SPINT2: variants seen among roughly 807,000 people sequenced by gnomAD.
The protein encoded by SPINT2 is serine peptidase inhibitor, Kunitz type 2.
Under a neutral mutation model 30.1 loss-of-function variants are expected in SPINT2, and 18 were observed. The ratio of observed to expected loss-of-function variants is 0.60; its 90% CI spans 0.41 to 0.89. SPINT2 has a LOEUF of 0.89. Ranked by LOEUF, SPINT2 falls within the 40% of genes least tolerant of loss-of-function variation. The pLI, the probability that SPINT2 is intolerant of heterozygous loss-of-function variation, is 0.00. For synonymous variants in SPINT2, 139 were observed against 137.9 expected (o/e 1.01, Z -0.05); for missense variants, 276 against 334.3 (o/e 0.83, Z 1.36).
At chr19:38,270,850 G>T (rs1047749122) in intron 1 of SPINT2, among the ~76,000 whole-genome samples, 3 of 152,206 alleles carry the variant, frequency 2.0e-5, no homozygotes, top group African/African-American at 7.2e-5. Context: ...ATAAGCCTGT[G>T]GCTCATGTGA....
intron 1 of SPINT2, among the ~76,000 whole-genome samples, chr19:38,269,021 C>T (rs971069067): frequency 5.9e-5 from 9 of 152,064 alleles, no homozygotes; most frequent in Non-Finnish European, 1.3e-4. Context: ...TAACTTTGTG[C>T]CTGGCCCTGG....
At chr19:38,273,709 G>T (rs1234247513) in intron 1 of SPINT2, among the ~76,000 whole-genome samples, 1 of 152,150 alleles carries the variant, frequency 6.6e-6, no homozygotes, top group Non-Finnish European at 1.5e-5. Context: ...CCCGTGTGGT[G>T]GTTTGCCATT....
At chr19:38,266,675 CAAAAA>C (rs5828007) in intron 1 of SPINT2, among the ~76,000 whole-genome samples, 139 of 139,586 alleles carry the variant, frequency 1.0e-3, no homozygotes, top group Admixed American at 2.2e-3. Flanking sequence ...GACTCAGTCT[CAAAAA>C]AAAAAAAAAG....
At chr19:38,272,897 T>C (rs925834320) in intron 1 of SPINT2, among the ~76,000 whole-genome samples, 5 of 152,242 alleles carry the variant, frequency 3.3e-5, no homozygotes, top group East Asian at 3.9e-4. Flanking sequence ...TTTTTTTGTA[T>C]TTTTAGTAGA....
intron 2 of SPINT2, 137 bp downstream of exon 2, chr19:38,283,934 C>T (rs1329865680): frequency 2.5e-5 from 26 of 1,023,142 alleles, no homozygotes; most frequent in Non-Finnish European, 3.5e-5. Flanking sequence ...CTCCGCCTCC[C>T]GGGTTCACGC....
In SPINT2 at chr19:38,290,120, A is replaced by G. The variant is rs759003195; in HGVS notation, c.393A>G (p.Glu131=). The change falls in exon 5 of 7, where the codon GAA becomes GAG. Residue 131 remains glutamate, a splice_region_variant and synonymous_variant. Transcript: ENST00000301244. This position sits in a 1 kb window ranked among gnomAD's most constrained non-coding sequence, Gnocchi z 4.3. ...TTCCCTGGGCTGTCTTACTCCTAGA[A>G]TACTGCACCGCCAACGCAGTCACTG... ...DHSSDMFNYE[E]YCTANAVTGP... is the part of the protein sequence containing the mutation. 1.4e-5 allele frequency: 22 copies of G among 1,612,302 alleles called. No individual in the cohort carries two copies. The Admixed American group carries it at 1.8e-4, about 13-fold the overall frequency.
chr19:38,291,432 G>C (rs772916049), intron 6 of SPINT2: 1 of 175,016 alleles, frequency 5.7e-6, no homozygotes, highest in Non-Finnish European at 1.2e-5. Context: ...CTCTATTGCC[G>C]GTCAGCGTGT....
chr19:38,264,967 C>A lies in SPINT2; in HGVS notation c.75C>A (p.Val25=), dbSNP rs1353814439. ...ALLGSLLLSG[V]LAADRERSIH... ...TGGGATCGCTGCTCCTCTCTGGGGT[C>A]CTGGCGGCCGACCGAGAACGCAGCA... The change falls in exon 1 of 7, where the codon GTC becomes GTA. Residue 25 remains valine (V), a synonymous_variant. Coordinates refer to ENST00000301244, the MANE Select transcript of SPINT2 (RefSeq NM_021102.4). 37 of 1,535,236 alleles carry A rather than the reference C, an allele frequency of 2.4e-5. No homozygotes were observed. Among genetic ancestry groups the A allele is most frequent in the Non-Finnish European group, 3.0e-5 (34 of 1,145,098 alleles).
chr19:38,269,400 CTTTTTT>C (rs397859727), intron 1 of SPINT2, among the ~76,000 whole-genome samples: 3 of 64,896 alleles, frequency 4.6e-5, no homozygotes, highest in Admixed American at 1.9e-4. Flanking sequence ...TCTCCTGCAC[CTTTTTT>C]TTTTTTTTTT....
chr19:38,288,108 G>T (rs1386191579), intron 3 of SPINT2, 173 bp downstream of exon 3: 6 of 718,452 alleles, frequency 8.4e-6, no homozygotes, highest in Admixed American at 4.1e-5. Context: ...GCATCCTTAT[G>T]GGGGAGTTTA....
intron 1 of SPINT2, among the ~76,000 whole-genome samples, chr19:38,269,160 C>T (rs552566594): frequency 8.3e-4 from 126 of 151,992 alleles, no homozygotes; most frequent in African/African-American, 2.4e-3. Context: ...TGCAGTAGCG[C>T]GATCTCAGCT....
chr19:38,274,103 C>T (rs1968488510), intron 1 of SPINT2, among the ~76,000 whole-genome samples: 1 of 151,906 alleles, frequency 6.6e-6, no homozygotes, highest in South Asian at 2.1e-4. Context: ...TGGTGGCACA[C>T]GCCTATAGTC....
At chr19:38,274,416 T>C (rs974418870) in intron 1 of SPINT2, among the ~76,000 whole-genome samples, 3 of 152,130 alleles carry the variant, frequency 2.0e-5, no homozygotes, top group Non-Finnish European at 2.9e-5. Context: ...TGTCTGGGGA[T>C]TTTTATAGCA....
chr19:38,292,048 A>G lies in SPINT2; in HGVS notation c.*42A>G, dbSNP rs200503164. 3.1e-6 allele frequency: 5 copies of G among 1,609,318 alleles called. No individual in the cohort carries two copies. The highest frequency in any genetic ancestry group is 3.4e-6 in the Non-Finnish European group (4 of 1,178,024). ...AGGACTGGGGAAGGGAGGGGAGACT[A>G]TGTGTGAGCTTTTTTTAAATAGAGG... On this transcript the variant is annotated 3_prime_UTR_variant, in exon 7 of 7. Coordinates refer to ENST00000301244, the MANE Select transcript of SPINT2 (RefSeq NM_021102.4).
chr19:38,289,995 C>T, intron 4 of SPINT2, 124 bp from the exon 5 acceptor site: 12 of 1,094,610 alleles, frequency 1.1e-5, no homozygotes, highest in Non-Finnish European at 1.7e-5. Context: ...AATTTACAGG[C>T]TTCTTTACCA....
At chr19:38,268,764 CGCGT>C (rs1475321038) in intron 1 of SPINT2, among the ~76,000 whole-genome samples, 3 of 141,316 alleles carry the variant, frequency 2.1e-5, no homozygotes, top group South Asian at 2.2e-4. Context: ...CATGCGCGCG[CGCGT>C]GTGTGTGTGT....
intron 1 of SPINT2, among the ~76,000 whole-genome samples, chr19:38,283,143 C>T (rs578031052): frequency 6.6e-6 from 1 of 152,066 alleles, no homozygotes; most frequent in Admixed American, 6.6e-5. Context: ...GAAACTCCAT[C>T]TGTACTAAAA....
At chr19:38,276,701 A>C (rs1968522626) in intron 1 of SPINT2, among the ~76,000 whole-genome samples, 1 of 152,204 alleles carries the variant, frequency 6.6e-6, no homozygotes, top group East Asian at 1.9e-4. Context: ...GAAATAAGAC[A>C]CCAAGTTCAA....
chr19:38,286,006 G>C (rs1968636244), intron 2 of SPINT2, among the ~76,000 whole-genome samples: 1 of 152,216 alleles, frequency 6.6e-6, no homozygotes, highest in Admixed American at 6.5e-5. Flanking sequence ...GTTCCTGGGA[G>C]CAGGCAGGTT....
Sources: gnomAD v4.1 joint callset for allele counts (sites outside exome capture counted in the v4.1 genomes callset) on GRCh38, gnomAD v4.1.1 for gene constraint, Gnocchi (gnomAD v3.1) non-coding constraint, MANE v1.5 for transcripts, NCBI Gene and HGNC (gene_info 2026-07-23, HGNC 2026-07-21) for gene names.